DHX57: variants seen among roughly 807,000 people sequenced by gnomAD.
DHX57 encodes DExH-box helicase 57.
In DHX57, 105 loss-of-function variants were observed where a neutral mutation model predicts 156.2. The observed-to-expected ratio is 0.67, with a 90% confidence interval of 0.57 to 0.79. The LOEUF is 0.79. Ranked by LOEUF, DHX57 falls within the 30% of genes least tolerant of loss-of-function variation. DHX57 has a pLI of 0.00. For synonymous variants in DHX57, 704 were observed against 595.6 expected, an observed-to-expected ratio of 1.18 and a Z score of -2.65; for missense variants, 1,847 against 1,661.9, an observed-to-expected ratio of 1.11 and a Z score of -1.94.
chr2:38,853,864 T>C, intron 9 of DHX57, 190 bp downstream of exon 9: 2 of 457,398 alleles, frequency 4.4e-6, no homozygotes, highest in Admixed American at 3.5e-5. Flanking sequence ...GTGATGAGCA[T>C]GTGCTGTCCT....
chr2:38,848,954 C>A (rs1017412558), intron 9 of DHX57, among the ~76,000 whole-genome samples: 1 of 152,068 alleles, frequency 6.6e-6, no homozygotes, highest in Non-Finnish European at 1.5e-5. Flanking sequence ...CCCAAAGAAA[C>A]CAAATCCAGG....
Position 38,875,841 on chromosome 2 carries a change from C to G in DHX57, c.-61G>C, listed in dbSNP as rs1572725887. On this transcript the variant is annotated 5_prime_UTR_variant, in exon 1 of 24. Transcript: ENST00000457308. ...CTGTCGGGAGGTGCTGCCCAAGGGTCAGAGGTCCAAACTGGACTTGGCCAC... is the reference window on the plus strand; with the variant it reads ...CTGTCGGGAGGTGCTGCCCAAGGGTGAGAGGTCCAAACTGGACTTGGCCAC... 7.6e-6 allele frequency: 3 copies of G among 393,564 alleles called. No homozygotes were observed. Among genetic ancestry groups the G allele is most frequent in the Non-Finnish European group, 1.3e-5 (3 of 223,438 alleles). The allele number at this position is 393,564 out of a possible 1,614,324, so 24.4% of individuals were successfully genotyped here. A position where few individuals can be genotyped will look rare whatever the true frequency, so the allele number is the denominator to read the frequency against.
intron 17 of DHX57, among the ~76,000 whole-genome samples, chr2:38,822,613 T>A (rs1246316239): frequency 6.6e-6 from 1 of 152,038 alleles, no homozygotes; most frequent in Non-Finnish European, 1.5e-5. Flanking sequence ...CAAGCTGGTC[T>A]CGAACTCCTG....
chr2:38,854,329 G>C (rs1672767361), intron 8 of DHX57, 151 bp from the exon 9 acceptor site: 1 of 662,324 alleles, frequency 1.5e-6, no homozygotes, highest in Admixed American at 3.3e-5. Flanking sequence ...ATAGTTTCTT[G>C]CCAGGGACAG....
intron 11 of DHX57, 140 bp downstream of exon 11, chr2:38,846,879 G>C (rs1672314651): frequency 2.0e-6 from 1 of 510,830 alleles, no homozygotes; most frequent in African/African-American, 2.0e-5. Context: ...CAATAGATGG[G>C]GGTCCCAATA....
intron 1 of DHX57, among the ~76,000 whole-genome samples, chr2:38,873,603 G>C (rs1321393977): frequency 6.6e-6 from 1 of 152,166 alleles, no homozygotes; most frequent in Non-Finnish European, 1.5e-5. Context: ...TCTATTTGTG[G>C]AATGAATGAT....
At position 38,826,123 on chromosome 2, in the gene DHX57, G is replaced by C. The variant is rs538618571; in HGVS notation, c.2814-76C>G. ...AAGACTGCTTGCTATGGACAGAATA[G>C]ATGAACCAGCTTCCTCCTGTAGAGG... On this transcript the variant is annotated intron_variant, in intron 15 of 23. Coordinates refer to ENST00000457308, the MANE Select transcript of DHX57 (RefSeq NM_198963.3). The C allele has an allele frequency of 9.8e-6, 14 of 1,435,616 alleles. No individual in the cohort carries two copies. The African/African-American group carries it at 2.0e-4, about 20-fold the overall frequency. The allele number at this position is 1,435,616 out of a possible 1,614,324, so 88.9% of individuals were successfully genotyped here.
intron 13 of DHX57, among the ~76,000 whole-genome samples, chr2:38,832,178 C>G (rs185880685): frequency 6.6e-6 from 1 of 152,108 alleles, no homozygotes; most frequent in East Asian, 1.9e-4. Flanking sequence ...CAGTGGCTCA[C>G]GCCTGTAGTC....
intron 13 of DHX57, among the ~76,000 whole-genome samples, chr2:38,833,974 T>A (rs1204380256): frequency 6.6e-6 from 1 of 152,096 alleles, no homozygotes; most frequent in Non-Finnish European, 1.5e-5. Flanking sequence ...CACACACACA[T>A]ACTTATGGAC....
chr2:38,830,710 CA>C (rs1671336622), intron 13 of DHX57, among the ~76,000 whole-genome samples: 1 of 151,990 alleles, frequency 6.6e-6, no homozygotes, highest in Non-Finnish European at 1.5e-5. Flanking sequence ...AGTTAGTAAG[CA>C]TGGAGCTTGG....
rs777112190 is a variant in DHX57, at chr2:38,861,485, G to C, written c.925C>G (p.Leu309Val). ...GATCCAAATTTACAATTTCCTTTGA[G>C]GTAAAATTTACAGATTTCAAGTGAA... ...ENSLEICKFY[L>V]KGNCKFGSKC... Residue 309 changes from leucine to valine, a missense_variant, in exon 5 of 24, where the codon CTC becomes GTC. Coordinates refer to ENST00000457308, the MANE Select transcript of DHX57 (RefSeq NM_198963.3). 130 of 1,613,844 alleles carry C rather than the reference G, an allele frequency of 8.1e-5. No individual in the cohort carries two copies. The highest frequency in any genetic ancestry group is 1.1e-4 in the Non-Finnish European group (125 of 1,180,010).
chr2:38,837,806 C>G, intron 13 of DHX57, 25 bp downstream of exon 13: 2 of 1,397,380 alleles, frequency 1.4e-6, no homozygotes, highest in Non-Finnish European at 2.0e-6. Context: ...AATTGTCATT[C>G]AAGCCTTAAT....
chr2:38,864,741 C>T (rs983786176), intron 2 of DHX57, among the ~76,000 whole-genome samples: 2 of 152,128 alleles, frequency 1.3e-5, no homozygotes, highest in Non-Finnish European at 2.9e-5. Context: ...ACTGACCCAT[C>T]TCTCCTCCCT....
chr2:38,853,870 G>C (rs1246346245), intron 9 of DHX57, 184 bp downstream of exon 9: 1 of 491,866 alleles, frequency 2.0e-6, no homozygotes, highest in Non-Finnish European at 3.6e-6. Context: ...AGCATGTGCT[G>C]TCCTTTTTAG....
intron 20 of DHX57, 21 bp from the exon 21 acceptor site, chr2:38,813,916 T>G: frequency 6.2e-7 from 1 of 1,610,756 alleles, no homozygotes; most frequent in Non-Finnish European, 8.5e-7. Context: ...AGCACAGCAT[T>G]AATTAACAAG....
intron 5 of DHX57, 35 bp from the exon 6 acceptor site, chr2:38,858,871 A>G (rs1673041377): frequency 6.4e-7 from 1 of 1,573,540 alleles, no homozygotes; most frequent in Admixed American, 2.1e-5. Context: ...TTCAGTATGG[A>G]GCCCTTTCTT....
At chr2:38,811,485 T>C in intron 21 of DHX57, 1 of 739,184 alleles carries the variant, frequency 1.4e-6, no homozygotes, top group Non-Finnish European at 2.4e-6. Flanking sequence ...GAACACCTTT[T>C]TGGACCCAAG....
intron 13 of DHX57, among the ~76,000 whole-genome samples, chr2:38,829,547 G>C (rs146382545): frequency 0.011 from 1,733 of 152,284 alleles, 21 homozygotes; most frequent in East Asian, 0.056. Flanking sequence ...TGGGATTACA[G>C]GCATGAGCCA....
intron 13 of DHX57, among the ~76,000 whole-genome samples, chr2:38,830,253 T>C (rs902335633): frequency 1.3e-5 from 2 of 152,320 alleles, no homozygotes; most frequent in African/African-American, 2.4e-5. Context: ...AGAGATCTTA[T>C]AGCATTTTAA....
Sources: gnomAD v4.1 joint callset for allele counts (sites outside exome capture counted in the v4.1 genomes callset) on GRCh38, gnomAD v4.1.1 for gene constraint, MANE v1.5 for transcripts, NCBI Gene and HGNC (gene_info 2026-07-23, HGNC 2026-07-21) for gene names.